Variants in PIGN observed in about 807,000 individuals in gnomAD.
PIGN encodes phosphatidylinositol glycan anchor biosynthesis class N.
PIGN carries 117 observed loss-of-function variants against 125.4 expected under a neutral mutation model. That is an observed-to-expected ratio of 0.93 (90% CI 0.80 to 1.09). The LOEUF is 1.09. Among genes scored for constraint, PIGN ranks in the 50% least tolerant of loss-of-function variants. The probability of loss-of-function intolerance (pLI) is 0.00; values close to 1 mark genes in which losing one functional copy is unlikely to be tolerated. For missense variants in PIGN, 1,075 were observed against 1,094.9 expected (o/e 0.98, Z 0.26); for synonymous variants, 392 against 377.8 (o/e 1.04, Z -0.44).
At chr18:62,177,856 A>T (rs940765811) in intron 1 of PIGN, among the ~76,000 whole-genome samples, 3 of 152,140 alleles carry the variant, frequency 2.0e-5, no homozygotes, top group Non-Finnish European at 4.4e-5. Flanking sequence ...TACTCTCCCA[A>T]GTTTTTGTAG....
At chr18:62,070,378 C>A in intron 30 of PIGN, 1 of 398,440 alleles carries the variant, frequency 2.5e-6, no homozygotes, top group East Asian at 3.6e-5. Flanking sequence ...CTATGGAGTA[C>A]CTTTTACGTA....
chr18:62,024,540 C>T (rs973356141), intron 23 of PIGN, among the ~76,000 whole-genome samples: 8 of 152,170 alleles, frequency 5.3e-5, no homozygotes, highest in African/African-American at 1.9e-4. Flanking sequence ...CTCTATAGTC[C>T]TTCTCAGTCC....
At chr18:62,083,671 G>A (rs1426507969) in intron 27 of PIGN, among the ~76,000 whole-genome samples, 9 of 151,864 alleles carry the variant, frequency 5.9e-5, no homozygotes, top group Admixed American at 4.6e-4. Flanking sequence ...AAGGCCAATG[G>A]TCTTTAATAA....
intron 1 of PIGN, among the ~76,000 whole-genome samples, chr18:62,181,545 G>C (rs1482597832): frequency 6.6e-6 from 1 of 152,022 alleles, no homozygotes; most frequent in African/African-American, 2.4e-5. Context: ...CAAGTAGCGG[G>C]GACCACAGGT....
chr18:62,048,184 AT>A (rs1219472093), intron 30 of PIGN, among the ~76,000 whole-genome samples: 1 of 152,184 alleles, frequency 6.6e-6, no homozygotes, highest in African/African-American at 2.4e-5. Context: ...TTAAAAAAAA[AT>A]GAACAGAGTC....
Position 62,101,147 on chromosome 18 carries a change from T to G in PIGN, c.2005A>C (p.Ser669Arg). Residue 669 changes from serine (S) to arginine (R), a missense_variant, in exon 22 of 31, where the codon AGC becomes CGC. By Grantham distance (110) the Ser-to-Arg change is moderately radical. Coordinates refer to ENST00000640252, the MANE Select transcript of PIGN (RefSeq NM_176787.5). ...TTCCTGAGTAGACTACTCTGAGTGC[T>G]ATACACAACATACATGGAGAGCACT... ...STVLSMYVVY[S>R]TQSSLLRKQG... 1 of 1,609,390 alleles carries G rather than the reference T, an allele frequency of 6.2e-7. No individual in the cohort carries two copies. Among genetic ancestry groups the G allele is most frequent in the Non-Finnish European group, 8.5e-7 (1 of 1,176,404 alleles).
intron 6 of PIGN, among the ~76,000 whole-genome samples, chr18:62,156,229 CA>C (rs1229848231): frequency 6.6e-6 from 1 of 152,104 alleles, no homozygotes; most frequent in Non-Finnish European, 1.5e-5. Flanking sequence ...TATTAAATAT[CA>C]ATTTAAATAA....
At position 62,147,111 on chromosome 18, in the gene PIGN, A is replaced by G. The variant is rs759244583; in HGVS notation, c.675-10T>C. ...ATTGTGCTTGTAGTCTCTATTTGTA[A>G]AGAAACAGAGGAACAAATTAAATTA... On this transcript the variant is annotated splice_polypyrimidine_tract_variant and intron_variant, in intron 8 of 30. Coordinates refer to ENST00000640252, the MANE Select transcript of PIGN (RefSeq NM_176787.5). 6.3e-7 allele frequency: 1 copy of G among 1,588,566 alleles called. No homozygotes were observed. The highest frequency in any genetic ancestry group is 8.6e-7 in the Non-Finnish European group (1 of 1,163,966).
At chr18:62,134,305 T>C (rs775787348) in intron 14 of PIGN, among the ~76,000 whole-genome samples, 11 of 152,004 alleles carry the variant, frequency 7.2e-5, no homozygotes, top group Non-Finnish European at 1.2e-4. Flanking sequence ...GCAGGAGAAT[T>C]GCTTGAACCC....
chr18:62,025,018 G>A (rs1383589762), intron 23 of PIGN, among the ~76,000 whole-genome samples: 1 of 152,140 alleles, frequency 6.6e-6, no homozygotes. Context: ...AAGAAACATT[G>A]ATCTGTGTCT....
intron 1 of PIGN, among the ~76,000 whole-genome samples, chr18:62,174,892 C>T (rs1363463734): frequency 3.3e-5 from 5 of 149,662 alleles, no homozygotes; most frequent in African/African-American, 1.2e-4. Context: ...AACTGTCATG[C>T]AATTCAATCC....
downstream of PIGN, among the ~76,000 whole-genome samples, chr18:62,039,169 G>T (rs1036541007): frequency 6.6e-6 from 1 of 151,762 alleles, no homozygotes; most frequent in African/African-American, 2.4e-5. Context: ...AAAATTATGT[G>T]TATAGAGTAA....
At chr18:62,150,893 G>A (rs1480092389) in intron 7 of PIGN, among the ~76,000 whole-genome samples, 2 of 152,014 alleles carry the variant, frequency 1.3e-5, no homozygotes, top group Non-Finnish European at 2.9e-5. Context: ...GTAGAGACAG[G>A]GTTTCACCAT....
intron 14 of PIGN, among the ~76,000 whole-genome samples, chr18:62,128,740 TC>T (rs1352867899): frequency 2.0e-5 from 3 of 152,192 alleles, no homozygotes; most frequent in Non-Finnish European, 4.4e-5. Flanking sequence ...TTCATTAAAT[TC>T]TATAAGCCCA....
At chr18:62,101,877 C>T (rs1244469678) in intron 21 of PIGN, among the ~76,000 whole-genome samples, 1 of 152,128 alleles carries the variant, frequency 6.6e-6, no homozygotes, top group Non-Finnish European at 1.5e-5. Context: ...ATTTTATAGA[C>T]TATCACATGA....
chr18:62,149,606 C>T (rs976221691), intron 7 of PIGN, among the ~76,000 whole-genome samples: 3 of 152,156 alleles, frequency 2.0e-5, no homozygotes, highest in Non-Finnish European at 2.9e-5. Flanking sequence ...ACATTTCAGT[C>T]ATAAAGCTAT....
intron 6 of PIGN, among the ~76,000 whole-genome samples, chr18:62,156,023 A>G (rs1431058185): frequency 1.3e-5 from 2 of 152,206 alleles, no homozygotes; most frequent in Non-Finnish European, 2.9e-5. Flanking sequence ...AATTACACTC[A>G]TGACTAAGTA....
intron 23 of PIGN, among the ~76,000 whole-genome samples, chr18:62,030,911 G>T (rs2030186859): frequency 6.6e-6 from 1 of 152,218 alleles, no homozygotes; most frequent in Non-Finnish European, 1.5e-5. Context: ...ACTCGAGGCT[G>T]AGGTGGGAGG....
rs937812152 is a variant in PIGN at position 62,045,579 on chromosome 18, T to C, written c.*277A>G. 1.1e-4 allele frequency: 30 copies of C among 270,280 alleles called. No individual in the cohort carries two copies. In the South Asian group the frequency reaches 1.4e-3, roughly 13 times the overall value. The allele number at this position is 270,280 out of a possible 1,614,324, so 16.7% of individuals were successfully genotyped here. Reference sequence around the variant, plus strand: ...TTGCTGCAGGTGCTCTCAACATCACTGGGAAGAGCTGCCAGCCAAAGGAAA... The same window carrying C: ...TTGCTGCAGGTGCTCTCAACATCACCGGGAAGAGCTGCCAGCCAAAGGAAA... On this transcript the variant is annotated 3_prime_UTR_variant, in exon 31 of 31. Coordinates refer to ENST00000640252, the MANE Select transcript of PIGN (RefSeq NM_176787.5).
Sources: allele counts gnomAD v4.1 joint callset (sites outside exome capture counted in the v4.1 genomes callset), GRCh38; gene constraint gnomAD v4.1.1; transcripts MANE v1.5; gene names NCBI Gene and HGNC (gene_info 2026-07-23, HGNC 2026-07-21).